Variants in CEP128 observed in about 807,000 individuals in gnomAD.
CEP128 encodes centrosomal protein 128.
A neutral mutation model predicts 156.7 loss-of-function variants in CEP128; 132 were observed. That is an observed-to-expected ratio of 0.84 (90% confidence interval 0.73 to 0.97). The LOEUF (loss-of-function observed/expected upper bound fraction) is 0.97, where lower values mean the gene tolerates loss of function less well. Ranked by LOEUF, CEP128 falls within the 50% of genes least tolerant of loss-of-function variation. CEP128 has a pLI of 0.00. For missense variants in CEP128, 1,252 were observed against 1,281.9 expected, an observed-to-expected ratio of 0.98 and a Z score of 0.36; for synonymous variants, 469 against 448.9, an observed-to-expected ratio of 1.04 and a Z score of -0.57.
intron 19 of CEP128, among the ~76,000 whole-genome samples, chr14:80,633,438 C>A (rs544651113): frequency 6.6e-6 from 1 of 152,284 alleles, no homozygotes; most frequent in East Asian, 1.9e-4. Flanking sequence ...CCTTGTAGAG[C>A]TCACAAGCTC....
intron 9 of CEP128, among the ~76,000 whole-genome samples, chr14:80,862,096 G>C (rs1422583417): frequency 6.6e-6 from 1 of 151,998 alleles, no homozygotes; most frequent in East Asian, 1.9e-4. Flanking sequence ...GTACCTTAAG[G>C]GTAACTATTC....
chr14:80,704,887 A>T (rs1897188422), intron 19 of CEP128, among the ~76,000 whole-genome samples: 1 of 151,956 alleles, frequency 6.6e-6, no homozygotes, highest in Non-Finnish European at 1.5e-5. Context: ...AGAGTAGATC[A>T]GTTTAATGAG....
chr14:80,630,179 T>C (rs1035790624), intron 19 of CEP128, among the ~76,000 whole-genome samples: 1 of 152,010 alleles, frequency 6.6e-6, no homozygotes, highest in African/African-American at 2.4e-5. Context: ...AAATCAACTA[T>C]CACTGAAATA....
At position 80,761,561 on chromosome 14, in the gene CEP128, C is replaced by G; in HGVS notation, c.2429G>C (p.Arg810Thr). 6.2e-7 allele frequency: 1 copy of G among 1,612,616 alleles called. No homozygotes were observed. Residue 810 changes from arginine to threonine, a missense_variant, in exon 17 of 25, where the codon AGA becomes ACA. By Grantham distance (71) the Arg-to-Thr change is moderately conservative (BLOSUM62 -1). Coordinates refer to ENST00000555265, the MANE Select transcript of CEP128 (RefSeq NM_152446.5). ...AAGAAGTTGATCCTTGAGCTGCAAT[C>G]TGGCCTCTTCCATCCTCCTTAAGTG... is the stretch of plus-strand genomic sequence containing the variant. ...EEHLRRMEEA[R>T]LQLKDQLLCL...
intron 14 of CEP128, among the ~76,000 whole-genome samples, chr14:80,790,900 A>C (rs1181494107): frequency 1.3e-5 from 2 of 152,126 alleles, no homozygotes; most frequent in African/African-American, 4.8e-5. Context: ...CTTATTAAGT[A>C]ATTTATTCTT....
intron 22 of CEP128, among the ~76,000 whole-genome samples, chr14:80,530,380 G>A (rs112126689): frequency 3.0e-4 from 46 of 152,278 alleles, no homozygotes; most frequent in Non-Finnish European, 4.9e-4. Context: ...TGAAATTTAC[G>A]TGGATTTGAG....
At chr14:80,658,912 C>G (rs1325426815) in intron 19 of CEP128, among the ~76,000 whole-genome samples, 1 of 152,156 alleles carries the variant, frequency 6.6e-6, no homozygotes, top group Non-Finnish European at 1.5e-5. Context: ...AGACTGCTGA[C>G]AGGGGACAGG....
chr14:80,856,678 C>T (rs1384209832), intron 9 of CEP128, among the ~76,000 whole-genome samples: 18 of 133,258 alleles, frequency 1.4e-4, no homozygotes, highest in African/African-American at 2.9e-4. Flanking sequence ...TGTGTGTGTG[C>T]GTGTGTGTGT....
At chr14:80,518,947 T>C (rs1035853197) in intron 23 of CEP128, among the ~76,000 whole-genome samples, 4 of 152,344 alleles carry the variant, frequency 2.6e-5, no homozygotes, top group Admixed American at 2.0e-4. Flanking sequence ...CCTCTAATTC[T>C]ATACTGATAA....
At chr14:80,493,315 TG>T (rs1342862207), downstream of CEP128, among the ~76,000 whole-genome samples, 1 of 152,232 alleles carries the variant, frequency 6.6e-6, no homozygotes, top group Non-Finnish European at 1.5e-5. Flanking sequence ...TGCAAGGCTC[TG>T]TTTTGACTAC....
At chr14:80,911,270 G>C (rs759658795) in intron 4 of CEP128, among the ~76,000 whole-genome samples, 1 of 152,054 alleles carries the variant, frequency 6.6e-6, no homozygotes, top group Admixed American at 6.5e-5. Context: ...AGGCCAAGGC[G>C]GAAGGATCAC....
At chr14:80,618,741 AC>A (rs1207537020) in intron 19 of CEP128, among the ~76,000 whole-genome samples, 3 of 152,268 alleles carry the variant, frequency 2.0e-5, no homozygotes, top group African/African-American at 7.2e-5. Context: ...TGAAGCTGGG[AC>A]CCTCTCTAAA....
At chr14:80,637,869 A>G in intron 19 of CEP128, among the ~76,000 whole-genome samples, 1 of 152,192 alleles carries the variant, frequency 6.6e-6, no homozygotes, top group Non-Finnish European at 1.5e-5. Context: ...AGAGGGGCGT[A>G]TGTAGACGTG....
chr14:80,946,346 GCATCATGATGATGCCTCATGAT>G (rs1383254468), upstream of CEP128, among the ~76,000 whole-genome samples: 8 of 136,098 alleles, frequency 5.9e-5, no homozygotes, highest in Admixed American at 3.5e-4. Context: ...GCCTCATGAT[GCATCATGATGATGCCTCATGAT>G]GCATCATGAT....
In CEP128 at chr14:80,504,975, G is replaced by T; in HGVS notation, c.3118C>A (p.His1040Asn). The change falls in exon 24 of 25, where the codon CAC (histidine) becomes AAC (asparagine). Residue 1040 changes from histidine to asparagine, a missense_variant. His to Asn is a moderately conservative substitution (Grantham distance 68). Coordinates refer to ENST00000555265, the MANE Select transcript of CEP128 (RefSeq NM_152446.5). The part of the protein sequence containing the change: ...LEGSHTRGLD[H>N]SSSWQDHSRF... ...CTGTGATCCTGCCAAGAGGATGAGT[G>T]ATCTAACCCACGAGTGTGGGAACCT... The T allele has an allele frequency of 6.2e-7, 1 of 1,603,768 alleles. No individual in the cohort carries two copies. Among genetic ancestry groups the T allele is most frequent in the South Asian group, 1.1e-5 (1 of 88,726 alleles).
intron 20 of CEP128, among the ~76,000 whole-genome samples, chr14:80,566,709 C>A (rs1890923992): frequency 6.6e-6 from 1 of 152,192 alleles, no homozygotes; most frequent in Non-Finnish European, 1.5e-5. Flanking sequence ...GAGCAGCTTG[C>A]ACTGGTTTCC....
At chr14:80,704,230 T>G (rs1294234806) in intron 19 of CEP128, among the ~76,000 whole-genome samples, 1 of 152,036 alleles carries the variant, frequency 6.6e-6, no homozygotes, top group East Asian at 1.9e-4. Context: ...AAATTGGGAC[T>G]TAAGCAGCCA....
chr14:80,544,033 C>T (rs1377280110), intron 21 of CEP128, among the ~76,000 whole-genome samples: 4 of 152,142 alleles, frequency 2.6e-5, no homozygotes, highest in Non-Finnish European at 4.4e-5. Flanking sequence ...ATACAGCATC[C>T]AGTCTTTCCT....
intron 2 of CEP128, among the ~76,000 whole-genome samples, chr14:80,917,546 T>G (rs1267133805): frequency 6.6e-6 from 1 of 152,216 alleles, no homozygotes; most frequent in Non-Finnish European, 1.5e-5. Flanking sequence ...TTTTCTTTTG[T>G]TTTTTGAGAC....
Sources: gnomAD v4.1 joint callset for allele counts (sites outside exome capture counted in the v4.1 genomes callset) on GRCh38, gnomAD v4.1.1 for gene constraint, MANE v1.5 for transcripts, NCBI Gene and HGNC (gene_info 2026-07-23, HGNC 2026-07-21) for gene names.